The following KLHL7 variants were observed in gnomAD, a reference collection of about 807,000 sequenced individuals.
KLHL7 encodes the protein kelch-like protein 7.
Under a neutral mutation model 67.4 loss-of-function variants are expected in KLHL7, and 44 were observed. The observed-to-expected ratio is 0.65, with a 90% CI of 0.51 to 0.84. KLHL7 has a LOEUF of 0.84. Among genes scored for constraint, KLHL7 ranks in the 40% least tolerant of loss-of-function variants. The pLI, the probability that KLHL7 is intolerant of heterozygous loss-of-function variation, is 0.00. For missense variants in KLHL7, 362 were observed against 718.1 expected (o/e 0.50, Z 5.67); for synonymous variants, 252 against 243.3 (o/e 1.04, Z -0.33).
chr7:23,175,374 A>C lies in KLHL7; in HGVS notation c.*1076A>C, dbSNP rs1176917383. 4.4e-6 allele frequency: 2 copies of C among 452,024 alleles called. No individual in the cohort carries two copies. Among genetic ancestry groups the C allele is most frequent in the South Asian group, 3.2e-5 (2 of 63,390 alleles). 28.0% of individuals were successfully genotyped at this position (452,024 alleles called of 1,614,324 possible). ...ATGGAATGAAACATGTAAAGCTGTC[A>C]CAATCAATGTTTTTATCTGATAATA... On this transcript the variant is annotated 3_prime_UTR_variant, in exon 11 of 11. Transcript: ENST00000339077.
chr7:23,172,255 A>G (rs1013708116), intron 9 of KLHL7: 1 of 444,524 alleles, frequency 2.2e-6, no homozygotes, highest in Non-Finnish European at 4.5e-6. Context: ...CTGTGTATAT[A>G]TGCATAATGC....
intron 4 of KLHL7, among the ~76,000 whole-genome samples, chr7:23,140,364 C>T (rs1201302887): frequency 1.3e-5 from 2 of 152,136 alleles, no homozygotes; most frequent in African/African-American, 4.8e-5. Context: ...ACCATCCTGG[C>T]TAACACGGTG....
chr7:23,125,056 T>C lies in KLHL7; in HGVS notation c.326T>C (p.Val109Ala). 1.2e-6 allele frequency: 2 copies of C among 1,612,292 alleles called. No homozygotes were observed. The highest frequency in any genetic ancestry group is 1.7e-6 in the Non-Finnish European group (2 of 1,178,450). Residue 109 changes from valine to alanine, a missense_variant, in exon 4 of 11, where the codon GTG (valine) becomes GCG (alanine). By Grantham distance (64) the Val-to-Ala change is moderately conservative. Around this residue, in one of 5 missense-constraint regions of KLHL7, gnomAD observed 155 missense variants for 280.8 expected, o/e 0.55. Transcript: ENST00000339077. ...VEFAYTARISVNSNNVQSLLD... is the reference protein window; with the variant it reads ...VEFAYTARISANSNNVQSLLD... ...CTCTAACTTATTTGCAGAATTTCCG[T>C]GAATAGCAACAATGTTCAGTCTTTG...
intron 1 of KLHL7, among the ~76,000 whole-genome samples, chr7:23,114,139 C>G (rs1375352679): frequency 6.6e-6 from 1 of 152,122 alleles, no homozygotes; most frequent in Non-Finnish European, 1.5e-5. Context: ...TTGAGGGCTA[C>G]CTTGTTGTAT....
chr7:23,136,022 G>A (rs1456252856), intron 4 of KLHL7, among the ~76,000 whole-genome samples: 1 of 152,120 alleles, frequency 6.6e-6, no homozygotes, highest in Non-Finnish European at 1.5e-5. Context: ...TTGTGCTTTG[G>A]GATTTGCCCT....
intron 4 of KLHL7, among the ~76,000 whole-genome samples, chr7:23,128,979 C>T (rs1426363231): frequency 6.6e-6 from 1 of 152,116 alleles, no homozygotes; most frequent in Non-Finnish European, 1.5e-5. Context: ...TGTGTTTATC[C>T]ATTTACTGAT....
chr7:23,150,971 G>T (rs1477534831), intron 6 of KLHL7, among the ~76,000 whole-genome samples: 1 of 151,958 alleles, frequency 6.6e-6, no homozygotes, highest in Non-Finnish European at 1.5e-5. Flanking sequence ...TTAATAAAGT[G>T]TCTTTTAATA....
At chr7:23,142,090 G>C (rs1317175290) in intron 5 of KLHL7, among the ~76,000 whole-genome samples, 1 of 151,932 alleles carries the variant, frequency 6.6e-6, no homozygotes, top group Non-Finnish European at 1.5e-5. Flanking sequence ...TGCTAATTGA[G>C]ATGGGGTTTC....
chr7:23,119,461 A>C (rs1361618382), intron 1 of KLHL7, among the ~76,000 whole-genome samples: 1 of 152,210 alleles, frequency 6.6e-6, no homozygotes, highest in East Asian at 1.9e-4. Context: ...CAGCCTCCCA[A>C]AGTGCTGGGA....
intron 1 of KLHL7, among the ~76,000 whole-genome samples, chr7:23,113,814 G>A (rs1449455813): frequency 6.6e-6 from 1 of 152,028 alleles, no homozygotes; most frequent in East Asian, 1.9e-4. Context: ...CAACAAGAGC[G>A]AAACTCTGTC....
Position 23,126,055 on chromosome 7 carries a change from A to G in KLHL7, c.442+883A>G, listed in dbSNP as rs1345618768. 1.2e-5 allele frequency: 8 copies of G among 668,272 alleles called. No homozygotes were observed. In the East Asian group the frequency reaches 2.3e-4, roughly 19 times the overall value. The allele number at this position is 668,272 out of a possible 1,614,324, so 41.4% of individuals were successfully genotyped here. A position where few individuals can be genotyped will look rare whatever the true frequency, so the allele number is the denominator to read the frequency against. ...AATAGAACAACTTTAACAATATGCT[A>G]GCATCACTACTCTTATATTTTGGGG... On this transcript the variant is annotated intron_variant, in intron 4 of 10. Transcript: ENST00000339077.
intron 1 of KLHL7, among the ~76,000 whole-genome samples, chr7:23,116,311 G>C (rs1783086782): frequency 6.6e-6 from 1 of 152,182 alleles, no homozygotes; most frequent in African/African-American, 2.4e-5. Context: ...GGACCACTAT[G>C]GCCCTTACAG....
intron 9 of KLHL7, among the ~76,000 whole-genome samples, chr7:23,169,403 A>G (rs1785092227): frequency 6.6e-6 from 1 of 152,244 alleles, no homozygotes; most frequent in Non-Finnish European, 1.5e-5. Context: ...ATAGAAAAGC[A>G]AGTTGTCTTG....
chr7:23,144,562 A>T (rs1424355085), intron 6 of KLHL7, among the ~76,000 whole-genome samples: 1 of 152,152 alleles, frequency 6.6e-6, no homozygotes, highest in East Asian at 1.9e-4. Flanking sequence ...GCCTATTCCA[A>T]TATGAACTGT....
At chr7:23,118,040 C>G in intron 1 of KLHL7, 1 of 1,528,646 alleles carries the variant, frequency 6.5e-7, no homozygotes, top group Non-Finnish European at 9.0e-7. Flanking sequence ...ATGCCTCTTA[C>G]TAATGACAGC....
chr7:23,152,268 A>G, intron 7 of KLHL7, 59 bp downstream of exon 7: 9 of 1,474,758 alleles, frequency 6.1e-6, no homozygotes, highest in Non-Finnish European at 8.5e-6. Flanking sequence ...AACACATAAG[A>G]CACTCACCAA....
At chr7:23,121,591 A>T (rs982260498) in intron 1 of KLHL7, among the ~76,000 whole-genome samples, 2 of 150,904 alleles carry the variant, frequency 1.3e-5, no homozygotes, top group African/African-American at 4.9e-5. Context: ...GTGAGCGACC[A>T]CACCGAGCCC....
chr7:23,118,872 G>T (rs1783208845), intron 1 of KLHL7, among the ~76,000 whole-genome samples: 1 of 151,920 alleles, frequency 6.6e-6, no homozygotes, highest in Admixed American at 6.6e-5. Context: ...AGGAGTTGGA[G>T]ACCAGCCTGG....
At chr7:23,144,392 T>C (rs1784288825) in intron 6 of KLHL7, among the ~76,000 whole-genome samples, 1 of 152,230 alleles carries the variant, frequency 6.6e-6, no homozygotes, top group African/African-American at 2.4e-5. Flanking sequence ...CAGAGATAAA[T>C]ATTGCCACAT....
Sources: allele counts gnomAD v4.1 joint callset (sites outside exome capture counted in the v4.1 genomes callset), GRCh38; gene constraint gnomAD v4.1.1; regional missense constraint gnomAD v4.1.1; transcripts MANE v1.5; gene names NCBI Gene and HGNC (gene_info 2026-07-23, HGNC 2026-07-21).